Variants in DENND5B observed in about 807,000 individuals in gnomAD.
DENND5B encodes the protein DENN domain containing 5B.
Under a neutral mutation model 140.6 loss-of-function variants are expected in DENND5B, and 34 were observed. The ratio of observed to expected loss-of-function variants is 0.24; its 90% CI spans 0.18 to 0.32. The LOEUF is 0.32. DENND5B is among the 10% of genes least tolerant of loss of function. The pLI, the probability that DENND5B is intolerant of heterozygous loss-of-function variation, is 1.00. For synonymous variants in DENND5B, 551 were observed against 562.1 expected, an observed-to-expected ratio of 0.98 and a Z score of 0.28; for missense variants, 1,142 against 1,560.2, an observed-to-expected ratio of 0.73 and a Z score of 4.52.
intron 1 of DENND5B, among the ~76,000 whole-genome samples, chr12:31,519,314 A>C (rs1484877078): frequency 6.6e-6 from 1 of 152,096 alleles, no homozygotes; most frequent in African/African-American, 2.4e-5. Context: ...ATGACTTGTG[A>C]GTTAGCATGA....
chr12:31,535,072 TC>T (rs1188156002), intron 1 of DENND5B: 1 of 69,702 alleles, frequency 1.4e-5, no homozygotes. Flanking sequence ...AGACTCTGTC[TC>T]AAAAAAAAAA....
chr12:31,424,502 G>A, intron 10 of DENND5B, 33 bp downstream of exon 10: 7 of 1,584,284 alleles, frequency 4.4e-6, no homozygotes, highest in Non-Finnish European at 4.3e-6. Flanking sequence ...GCTCTTAACT[G>A]GCCATGTCAC....
chr12:31,468,593 A>G (rs1274554284), intron 3 of DENND5B, among the ~76,000 whole-genome samples: 1 of 151,454 alleles, frequency 6.6e-6, no homozygotes, highest in African/African-American at 2.4e-5. Context: ...GATCGCTTGG[A>G]CCCAGGAGTT....
intron 7 of DENND5B, among the ~76,000 whole-genome samples, chr12:31,440,467 T>C (rs1406266652): frequency 2.0e-5 from 3 of 152,240 alleles, no homozygotes; most frequent in Non-Finnish European, 4.4e-5. Context: ...TTTGCTTCTG[T>C]CTTGTAAGCA....
chr12:31,571,269 C>T (rs1949812756), intron 1 of DENND5B, among the ~76,000 whole-genome samples: 1 of 152,174 alleles, frequency 6.6e-6, no homozygotes, highest in African/African-American at 2.4e-5. Flanking sequence ...ACAAATCGGA[C>T]CAGTAAGATA....
rs1247597004 is a variant in DENND5B, at chr12:31,440,657, G to A, written c.2012+2118C>T. 3.9e-5 allele frequency among the ~76,000 whole-genome samples: 6 copies of A among 152,154 alleles called. No homozygotes were observed. In the South Asian group the frequency reaches 1.2e-3, roughly 32 times the overall value. On this transcript the variant is annotated intron_variant, in intron 7 of 20. Coordinates refer to ENST00000389082, the MANE Select transcript of DENND5B (RefSeq NM_144973.4). ...CTTTTAAATGAAAGGTCAATCAAAC[G>A]AAGGGTTTTTTGTTTTTTTGAAAGA...
chr12:31,562,941 T>TA (rs1327805989), intron 1 of DENND5B, among the ~76,000 whole-genome samples: 2 of 142,268 alleles, frequency 1.4e-5, no homozygotes, highest in Non-Finnish European at 3.1e-5. Context: ...TTTTTTTTTT[T>TA]AACAAATTCT....
chr12:31,470,814 C>A (rs551884366), intron 3 of DENND5B, among the ~76,000 whole-genome samples: 12 of 152,192 alleles, frequency 7.9e-5, no homozygotes, highest in African/African-American at 2.9e-4. Context: ...TATAACAGCC[C>A]AGGCTCATGG....
intron 1 of DENND5B, among the ~76,000 whole-genome samples, chr12:31,547,094 C>G (rs887687035): frequency 1.3e-5 from 2 of 152,166 alleles, no homozygotes; most frequent in African/African-American, 4.8e-5. Context: ...ATGTTGCTTC[C>G]TATCAGACAA....
chr12:31,407,334 T>A (rs1167706439), intron 14 of DENND5B, among the ~76,000 whole-genome samples: 1 of 152,070 alleles, frequency 6.6e-6, no homozygotes, highest in East Asian at 1.9e-4. Context: ...TTTCACCATG[T>A]TGGTCAGGCT....
intron 1 of DENND5B, among the ~76,000 whole-genome samples, chr12:31,576,978 T>C (rs1013576159): frequency 6.6e-6 from 1 of 152,154 alleles, no homozygotes; most frequent in African/African-American, 2.4e-5. Context: ...AGAATATTTC[T>C]TCTTCTACAG....
chr12:31,589,643 A>G (rs533687667), intron 1 of DENND5B, among the ~76,000 whole-genome samples: 14 of 151,960 alleles, frequency 9.2e-5, no homozygotes, highest in Non-Finnish European at 1.6e-4. Flanking sequence ...AGTGCAATCA[A>G]TAAGGAATTA....
At chr12:31,554,645 C>A (rs1740353027) in intron 1 of DENND5B, among the ~76,000 whole-genome samples, 2 of 152,146 alleles carry the variant, frequency 1.3e-5, no homozygotes, top group Non-Finnish European at 2.9e-5. Flanking sequence ...CTATATCCTG[C>A]AGAGTGTTTT....
Position 31,392,768 on chromosome 12 carries a change from G to A in DENND5B, c.3257-72C>T. The stretch of plus-strand genomic sequence containing the variant: ...ACCAAAGTACTATGGGACATCAACT[G>A]TGTCCACCTAGGCAGGAAATACGTC... On this transcript the variant is annotated intron_variant, in intron 17 of 20. Coordinates refer to ENST00000389082, the MANE Select transcript of DENND5B (RefSeq NM_144973.4). 8 of 1,356,890 alleles carry A rather than the reference G, an allele frequency of 5.9e-6. No homozygotes were observed. The South Asian group carries it at 1.1e-4, about 18-fold the overall frequency. 84.1% of individuals were successfully genotyped at this position (1,356,890 alleles called of 1,614,324 possible). A position where few individuals can be genotyped will look rare whatever the true frequency, so the allele number is the denominator to read the frequency against.
chr12:31,527,950 AAAAAC>A (rs1948145059), intron 1 of DENND5B, among the ~76,000 whole-genome samples: 1 of 100,028 alleles, frequency 1.0e-5, no homozygotes, highest in African/African-American at 3.8e-5. Flanking sequence ...TCTTTAAATT[AAAAAC>A]AGTCAGTGTC....
At chr12:31,419,447 C>CAAAA (rs71444401) in intron 11 of DENND5B, among the ~76,000 whole-genome samples, 1 of 131,614 alleles carries the variant, frequency 7.6e-6, no homozygotes, top group Non-Finnish European at 1.6e-5. Context: ...ACTCCATCTC[C>CAAAA]AAAAAAAAAA....
intron 20 of DENND5B, 79 bp from the exon 21 acceptor site, chr12:31,387,865 A>T (rs1940923364): frequency 6.9e-7 from 1 of 1,443,066 alleles, no homozygotes; most frequent in African/African-American, 1.4e-5. Flanking sequence ...GTCTGTATGA[A>T]TGGGAAGGTG....
At chr12:31,461,768 G>GAT (rs1405744017) in intron 3 of DENND5B, among the ~76,000 whole-genome samples, 1 of 152,166 alleles carries the variant, frequency 6.6e-6, no homozygotes, top group African/African-American at 2.4e-5. Flanking sequence ...TAGAATTGAG[G>GAT]ATAATGGATT....
At chr12:31,569,440 T>C (rs909024892) in intron 1 of DENND5B, among the ~76,000 whole-genome samples, 3 of 152,146 alleles carry the variant, frequency 2.0e-5, no homozygotes, top group Admixed American at 2.0e-4. Context: ...TGGGCATAAA[T>C]AGACCTTCTT....
Sources: allele counts gnomAD v4.1 joint callset (sites outside exome capture counted in the v4.1 genomes callset), GRCh38; gene constraint gnomAD v4.1.1; transcripts MANE v1.5; gene names NCBI Gene and HGNC (gene_info 2026-07-23, HGNC 2026-07-21).